STK38L: variants seen among roughly 807,000 people sequenced by gnomAD.
STK38L encodes serine/threonine-protein kinase 38-like.
A neutral mutation model predicts 59.7 loss-of-function variants in STK38L; 28 were observed. The observed-to-expected ratio is 0.47, with a 90% confidence interval of 0.35 to 0.64. The LOEUF is 0.64. STK38L is among the 30% of genes least tolerant of loss of function. STK38L has a pLI of 0.01. For missense variants in STK38L, 314 were observed against 555.8 expected, an observed-to-expected ratio of 0.56 and a Z score of 4.37; for synonymous variants, 162 against 176.8, an observed-to-expected ratio of 0.92 and a Z score of 0.66.
chr12:27,269,361 C>G lies in STK38L; in HGVS notation c.-12+25029C>G, dbSNP rs1375677264. ...TATGGCTAGCCAGTTTTCCCAGCAC[C>G]ATTTATTAAATAGGGAATTGTTTCC... On this transcript the variant is annotated intron_variant, in intron 1 of 13. Coordinates refer to ENST00000389032, the MANE Select transcript of STK38L (RefSeq NM_015000.4). Among the ~76,000 whole-genome samples, 8 of 152,268 alleles carry G rather than the reference C, an allele frequency of 5.3e-5. No individual in the cohort carries two copies. In the East Asian group the frequency reaches 1.5e-3, roughly 29 times the overall value.
At chr12:27,286,769 A>G (rs935157655) in intron 1 of STK38L, among the ~76,000 whole-genome samples, 1 of 152,236 alleles carries the variant, frequency 6.6e-6, no homozygotes. Flanking sequence ...AGAAAGGGTC[A>G]CATCTGTGCC....
At chr12:27,304,436 G>A (rs1944258858) in intron 3 of STK38L, among the ~76,000 whole-genome samples, 1 of 151,942 alleles carries the variant, frequency 6.6e-6, no homozygotes, top group Non-Finnish European at 1.5e-5. Context: ...ACTAAAGGTG[G>A]TAACTTTGTT....
chr12:27,254,673 G>A (rs1943051416), intron 1 of STK38L, among the ~76,000 whole-genome samples: 1 of 152,176 alleles, frequency 6.6e-6, no homozygotes, highest in Non-Finnish European at 1.5e-5. Flanking sequence ...TAGGCCAGCG[G>A]TTGGCAGCTG....
chr12:27,288,143 A>G (rs543599144), intron 1 of STK38L, among the ~76,000 whole-genome samples: 1 of 152,216 alleles, frequency 6.6e-6, no homozygotes, highest in Non-Finnish European at 1.5e-5. Context: ...TAGCCTTCCA[A>G]AGGGGTTACA....
Position 27,324,110 on chromosome 12 carries a change from A to G in STK38L, c.*1655A>G, listed in dbSNP as rs1944789647. The G allele has an allele frequency of 6.6e-6, 1 of 152,122 alleles. No individual in the cohort carries two copies. Among genetic ancestry groups the G allele is most frequent in the South Asian group, 2.1e-4 (1 of 4,832 alleles). The allele number at this position is 152,122 out of a possible 1,614,324, so 9.4% of individuals were successfully genotyped here. A position where few individuals can be genotyped will look rare whatever the true frequency, so the allele number is the denominator to read the frequency against. On this transcript the variant is annotated 3_prime_UTR_variant, in exon 14 of 14. Coordinates refer to ENST00000389032, the MANE Select transcript of STK38L (RefSeq NM_015000.4). ...TAGCTCCACAGTGTTTCATAAGGCCATCCTGTTTCCCCCAACTCCCCCATT... is the reference window on the plus strand; with the variant it reads ...TAGCTCCACAGTGTTTCATAAGGCCGTCCTGTTTCCCCCAACTCCCCCATT...
rs1404366712 is a variant in STK38L, at chr12:27,278,553, TAA to T, written c.-11-19155_-11-19154del. ...TGGTACATTGATAGGTGCTAGTACC[TAA>T]AGCCTTACCTAAAGCCGATGAAACT... On this transcript the variant is annotated intron_variant, in intron 1 of 13. Coordinates refer to ENST00000389032, the MANE Select transcript of STK38L (RefSeq NM_015000.4). Among the ~76,000 whole-genome samples the T allele has an allele frequency of 2.6e-5, 4 of 152,324 alleles. No individual in the cohort carries two copies. In the East Asian group the frequency reaches 7.7e-4, roughly 29 times the overall value.
intron 1 of STK38L, among the ~76,000 whole-genome samples, chr12:27,264,521 A>G (rs12817981): frequency 6.6e-6 from 1 of 152,240 alleles, no homozygotes; most frequent in Admixed American, 6.5e-5. Flanking sequence ...ATTAAATGCA[A>G]TTGACTCTCC....
At chr12:27,245,517 T>G (rs1942830519) in intron 1 of STK38L, 1 of 152,178 alleles carries the variant, frequency 6.6e-6, no homozygotes, top group Admixed American at 6.5e-5. Context: ...CAGTACAGAT[T>G]CTTGAAAGTT....
At chr12:27,286,672 C>T (rs1943780089) in intron 1 of STK38L, among the ~76,000 whole-genome samples, 1 of 152,012 alleles carries the variant, frequency 6.6e-6, no homozygotes, top group African/African-American at 2.4e-5. Flanking sequence ...TGGTTATTTG[C>T]ATAGGATAGA....
At chr12:27,274,086 CT>C (rs1943480809) in intron 1 of STK38L, among the ~76,000 whole-genome samples, 1 of 152,048 alleles carries the variant, frequency 6.6e-6, no homozygotes, top group Non-Finnish European at 1.5e-5. Context: ...AACCCCATCT[CT>C]ACTAAAAATA....
intron 11 of STK38L, 58 bp from the exon 12 acceptor site, chr12:27,319,270 A>T: frequency 9.3e-7 from 1 of 1,072,306 alleles, no homozygotes; most frequent in African/African-American, 1.6e-5. Context: ...GAAGTAATGC[A>T]GCTAGAATAC....
rs1944481058 is a variant in STK38L at position 27,312,553 on chromosome 12, C to G, written c.398C>G (p.Ala133Gly). The G allele has an allele frequency of 5.0e-6, 8 of 1,613,344 alleles. No individual in the cohort carries two copies. Among genetic ancestry groups the G allele is most frequent in the Non-Finnish European group, 6.8e-6 (8 of 1,179,798 alleles). The part of the protein sequence containing the change: ...KSDMLEKEQV[A>G]HIRAERDILV... ...TTCAAAAATATATTCATCTAGGTGGCCCATATCCGAGCAGAAAGAGATATT... is the reference window on the plus strand; with the variant it reads ...TTCAAAAATATATTCATCTAGGTGGGCCATATCCGAGCAGAAAGAGATATT... The change falls in exon 6 of 14, where the codon GCC becomes GGC. Residue 133 changes from alanine to glycine, a missense_variant. This residue lies in a region of STK38L where 192 missense variants were observed against 316.9 expected (regional missense o/e 0.61). Transcript: ENST00000389032.
chr12:27,300,041 G>A (rs564315480), intron 2 of STK38L, among the ~76,000 whole-genome samples: 6 of 152,008 alleles, frequency 3.9e-5, no homozygotes, highest in Admixed American at 6.6e-5. Context: ...TCAGAATTTC[G>A]AAGGTTCATT....
At chr12:27,317,505 C>T (rs1591944556) in intron 10 of STK38L, 52 bp downstream of exon 10, 1 of 1,378,072 alleles carries the variant, frequency 7.3e-7, no homozygotes, top group Non-Finnish European at 1.0e-6. Flanking sequence ...CCTTGAGTGC[C>T]ATTGTTTGAA....
At chr12:27,259,040 T>C (rs971701725) in intron 1 of STK38L, among the ~76,000 whole-genome samples, 3 of 152,242 alleles carry the variant, frequency 2.0e-5, no homozygotes, top group East Asian at 3.8e-4. Context: ...ATTTGTCTTA[T>C]AGCTTTGCCA....
At chr12:27,280,356 T>A (rs1943627588) in intron 1 of STK38L, among the ~76,000 whole-genome samples, 1 of 152,192 alleles carries the variant, frequency 6.6e-6, no homozygotes, top group African/African-American at 2.4e-5. Context: ...GCAAGTTACT[T>A]GCCACAGTGA....
At chr12:27,286,566 T>C (rs1943777594) in intron 1 of STK38L, among the ~76,000 whole-genome samples, 2 of 152,200 alleles carry the variant, frequency 1.3e-5, no homozygotes, top group African/African-American at 4.8e-5. Flanking sequence ...ACTATCATCA[T>C]TCCATCAATC....
chr12:27,249,973 TTAA>T (rs1942937131), intron 1 of STK38L, among the ~76,000 whole-genome samples: 1 of 152,126 alleles, frequency 6.6e-6, no homozygotes, highest in African/African-American at 2.4e-5. Context: ...TAGGGTGGAG[TTAA>T]TAATGTTTAA....
In STK38L at chr12:27,324,427, AAC is replaced by A. The variant is rs1944797221; in HGVS notation, c.*1974_*1975del. Reference sequence around the variant, plus strand: ...AATAGGTAAGATATGAGATAATTGCAACATTGTCTAGTTCTAGTATGGTAACT... The same window carrying A: ...AATAGGTAAGATATGAGATAATTGCAATTGTCTAGTTCTAGTATGGTAACT... On this transcript the variant is annotated 3_prime_UTR_variant, in exon 14 of 14. Coordinates refer to ENST00000389032, the MANE Select transcript of STK38L (RefSeq NM_015000.4). The A allele has an allele frequency of 6.6e-6, 1 of 152,238 alleles. No homozygotes were observed. Among genetic ancestry groups the A allele is most frequent in the East Asian group, 1.9e-4 (1 of 5,190 alleles). The allele number at this position is 152,238 out of a possible 1,614,324, so 9.4% of individuals were successfully genotyped here. A position where few individuals can be genotyped will look rare whatever the true frequency, so the allele number is the denominator to read the frequency against.
Sources: gnomAD v4.1 joint callset for allele counts (sites outside exome capture counted in the v4.1 genomes callset) on GRCh38, gnomAD v4.1.1 for gene constraint, gnomAD v4.1.1 regional missense constraint, MANE v1.5 for transcripts, NCBI Gene and HGNC (gene_info 2026-07-23, HGNC 2026-07-21) for gene names.